HSP90B1: variants seen among roughly 807,000 people sequenced by gnomAD.
The protein encoded by HSP90B1 is heat shock protein 90 beta family member 1, also known as endoplasmin.
HSP90B1 carries 27 observed loss-of-function variants against 100.4 expected under a neutral mutation model. That is an observed-to-expected ratio of 0.27 (90% CI 0.20 to 0.37). HSP90B1 has a LOEUF of 0.37. HSP90B1 is among the 10% of genes least tolerant of loss of function. The pLI is 1.00. For synonymous variants in HSP90B1, 304 were observed against 330.8 expected (o/e 0.92, Z 0.88); for missense variants, 678 against 960.5 (o/e 0.71, Z 3.89).
At chr12:103,934,795 G>A (rs557373274) in intron 5 of HSP90B1, among the ~76,000 whole-genome samples, 1 of 152,332 alleles carries the variant, frequency 6.6e-6, no homozygotes, top group South Asian at 2.1e-4. Context: ...TCCGCTTCCT[G>A]GGTTCAAGCA....
chr12:103,932,149 A>G (rs192580873), intron 2 of HSP90B1, 128 bp from the exon 3 acceptor site: 75 of 671,772 alleles, frequency 1.1e-4, no homozygotes, highest in Non-Finnish European at 1.6e-4. Flanking sequence ...TATCAGTTAT[A>G]TTTTATAAAG....
Position 103,938,360 on chromosome 12 carries a change from C to T in HSP90B1, c.876C>T (p.Pro292=), listed in dbSNP as rs1166262873. 1.3e-6 allele frequency: 2 copies of T among 1,559,238 alleles called. No homozygotes were observed. The highest frequency in any genetic ancestry group is 3.8e-5 in the Admixed American group (2 of 51,970). ...AACAGACTGAAACTGTTGAGGAGCCCATGGAGGAAGAAGAAGCAGCCAAAG... is the reference window on the plus strand; with the variant it reads ...AACAGACTGAAACTGTTGAGGAGCCTATGGAGGAAGAAGAAGCAGCCAAAG... ...WSSKTETVEE[P]MEEEEAAKEE... The change falls in exon 7 of 18, where the codon CCC becomes CCT. Residue 292 remains proline (P), a synonymous_variant. Transcript: ENST00000299767.
Position 103,947,442 on chromosome 12 carries a change from C to G in HSP90B1, c.2382+12C>G. ...AAGAAACAGCAAAGGTATGGCAAATCAAGAATGTGACTTGCATTTTCAGTT... is the reference window on the plus strand; with the variant it reads ...AAGAAACAGCAAAGGTATGGCAAATGAAGAATGTGACTTGCATTTTCAGTT... On this transcript the variant is annotated intron_variant, in intron 17 of 17. Coordinates refer to ENST00000299767, the MANE Select transcript of HSP90B1 (RefSeq NM_003299.3). 2 of 1,614,030 alleles carry G rather than the reference C, an allele frequency of 1.2e-6. No homozygotes were observed. The highest frequency in any genetic ancestry group is 1.7e-6 in the Non-Finnish European group (2 of 1,179,990).
At chr12:103,946,111 G>A (rs1870219143) in intron 14 of HSP90B1, among the ~76,000 whole-genome samples, 1 of 152,216 alleles carries the variant, frequency 6.6e-6, no homozygotes, top group African/African-American at 2.4e-5. Flanking sequence ...AATACCTAAT[G>A]CAATTTAAGT....
Position 103,947,369 on chromosome 12 carries a change from C to A in HSP90B1, c.2321C>A (p.Thr774Lys), listed in dbSNP as rs535057154. The A allele has an allele frequency of 2.3e-4, 371 of 1,608,144 alleles. 8 individuals carry two copies. In the South Asian group the frequency reaches 3.9e-3, roughly 17 times the overall value. ...EETAEDTTED[T>K]EQDEDEEMDV... ...ACAGCAGAAGACACAACAGAAGACA[C>A]AGAGCAAGACGAAGATGAAGAAATG... The change falls in exon 17 of 18, where the codon ACA becomes AAA. Residue 774 changes from threonine (T) to lysine (K), a missense_variant. By Grantham distance (78) the Thr-to-Lys change is moderately conservative. Transcript: ENST00000299767.
intron 14 of HSP90B1, 37 bp from the exon 15 acceptor site, chr12:103,946,581 A>C: frequency 2.1e-6 from 3 of 1,437,544 alleles, no homozygotes; most frequent in Non-Finnish European, 2.9e-6. Context: ...CTAAAATTGG[A>C]TATGTTTTGT....
rs973946010 is a variant in HSP90B1 at position 103,930,922 on chromosome 12, C to T, written c.49+358C>T. 6.6e-6 allele frequency among the ~76,000 whole-genome samples: 1 copy of T among 151,404 alleles called. No individual in the cohort carries two copies. The highest frequency in any genetic ancestry group is 2.4e-5 in the African/African-American group (1 of 41,154). On this transcript the variant is annotated intron_variant, in intron 1 of 17. Transcript: ENST00000299767. The surrounding 1 kb of genome is among the most constrained non-coding windows in gnomAD (Gnocchi z 4.4). ...CCACCGCAACCTTCGGCCATCCCAG[C>T]TTTCCCGTCCCCTAATTCCCCAGAC...
At chr12:103,934,802 A>G (rs571207611) in intron 5 of HSP90B1, among the ~76,000 whole-genome samples, 1 of 152,320 alleles carries the variant, frequency 6.6e-6, no homozygotes, top group African/African-American at 2.4e-5. Context: ...CCTGGGTTCA[A>G]GCAATTCTCC....
chr12:103,933,176 C>T (rs1291801276), intron 4 of HSP90B1, among the ~76,000 whole-genome samples: 1 of 152,248 alleles, frequency 6.6e-6, no homozygotes, highest in Non-Finnish European at 1.5e-5. Context: ...TTCTGTGCTT[C>T]AACAGCAGAG....
intron 2 of HSP90B1, chr12:103,931,987 T>C (rs1869777578): frequency 4.4e-6 from 2 of 456,448 alleles, no homozygotes; most frequent in Admixed American, 3.6e-5. Context: ...TTGACAGTTT[T>C]GAAGTCCTCA....
intron 11 of HSP90B1, 54 bp downstream of exon 11, chr12:103,941,951 G>A: frequency 7.4e-7 from 1 of 1,346,838 alleles, no homozygotes; most frequent in Non-Finnish European, 1.0e-6. Flanking sequence ...GGGGTTCAGA[G>A]GACAGGCTCC....
chr12:103,935,451 AT>A (rs199635275), intron 5 of HSP90B1, among the ~76,000 whole-genome samples: 1 of 149,948 alleles, frequency 6.7e-6, no homozygotes, highest in South Asian at 2.1e-4. Context: ...CACAGCTTCA[AT>A]TTTTTTTTCT....
intron 7 of HSP90B1, chr12:103,938,698 A>C (rs758029511): frequency 3.9e-6 from 1 of 254,346 alleles, no homozygotes. Context: ...TATATTGCCT[A>C]GGACTGGTGG....
rs763862312 is a variant in HSP90B1, at chr12:103,941,397, C to T, written c.1093-13C>T. ...TGTGTCGTTTGAATGACTAAGATAC[C>T]AACTTTCCACAGGAAAGTGATGACC... On this transcript the variant is annotated splice_polypyrimidine_tract_variant and intron_variant, in intron 8 of 17. Transcript: ENST00000299767. 9.9e-6 allele frequency: 16 copies of T among 1,610,548 alleles called. No homozygotes were observed. The highest frequency in any genetic ancestry group is 5.3e-5 in the African/African-American group (4 of 74,806).
rs199559319 is a variant in HSP90B1, at chr12:103,946,875, T to G, written c.2196T>G (p.Thr732=). ...TLRSGYLLPD[T]KAYGDRIERM... ...GGTCAGGGTATCTTTTACCAGACAC[T>G]AAAGCATATGGAGATAGAATAGAAA... is the stretch of plus-strand genomic sequence containing the variant. Residue 732 remains threonine (T), a synonymous_variant, in exon 16 of 18, where the codon ACT becomes ACG. Transcript: ENST00000299767. The G allele has an allele frequency of 1.9e-5, 30 of 1,614,160 alleles. No homozygotes were observed. The highest frequency in any genetic ancestry group is 3.3e-4 in the Middle Eastern group (2 of 6,062).
intron 5 of HSP90B1, among the ~76,000 whole-genome samples, chr12:103,935,084 T>C (rs1869873013): frequency 6.6e-6 from 1 of 152,176 alleles, no homozygotes; most frequent in Non-Finnish European, 1.5e-5. Flanking sequence ...GGGGGAAATA[T>C]TCCTCTTGAA....
At chr12:103,944,916 A>C (rs1870185408) in intron 14 of HSP90B1, among the ~76,000 whole-genome samples, 1 of 152,192 alleles carries the variant, frequency 6.6e-6, no homozygotes, top group South Asian at 2.1e-4. Flanking sequence ...ACAATTCTAA[A>C]ATTCCATATA....
In HSP90B1 at chr12:103,941,378, G is replaced by A. The variant is rs369365152; in HGVS notation, c.1093-32G>A. 142 of 1,607,126 alleles carry A rather than the reference G, an allele frequency of 8.8e-5. No homozygotes were observed. In the African/African-American group the frequency reaches 1.6e-3, roughly 18 times the overall value. Reference sequence around the variant, plus strand: ...TCTTGCACTGCTTTTCTCCTGTGTCGTTTGAATGACTAAGATACCAACTTT... The same window carrying A: ...TCTTGCACTGCTTTTCTCCTGTGTCATTTGAATGACTAAGATACCAACTTT... On this transcript the variant is annotated intron_variant, in intron 8 of 17. Coordinates refer to ENST00000299767, the MANE Select transcript of HSP90B1 (RefSeq NM_003299.3).
At chr12:103,941,129 ATCCT>A (rs572258938) in intron 8 of HSP90B1, among the ~76,000 whole-genome samples, 277 of 152,236 alleles carry the variant, frequency 1.8e-3, no homozygotes, top group African/African-American at 6.2e-3. Context: ...GTATAAACTC[ATCCT>A]TCCTTCTGAG....
Sources: gnomAD v4.1 joint callset for allele counts (sites outside exome capture counted in the v4.1 genomes callset) on GRCh38, gnomAD v4.1.1 for gene constraint, Gnocchi (gnomAD v3.1) non-coding constraint, MANE v1.5 for transcripts, NCBI Gene and HGNC (gene_info 2026-07-23, HGNC 2026-07-21) for gene names.